The following HTRA3 variants were observed in gnomAD, a reference collection of about 807,000 sequenced individuals.
HTRA3 encodes the protein serine protease HTRA3.
Under a neutral mutation model 43.2 loss-of-function variants are expected in HTRA3, and 41 were observed. That is an observed-to-expected ratio of 0.95 (90% CI 0.74 to 1.23). The LOEUF is 1.23. Ranked by LOEUF, HTRA3 falls within the 50% of genes most tolerant of loss-of-function variation. The probability of loss-of-function intolerance (pLI) is 0.00; values close to 1 mark genes in which losing one functional copy is unlikely to be tolerated. For missense variants in HTRA3, 628 were observed against 647.1 expected, an observed-to-expected ratio of 0.97 and a Z score of 0.32; for synonymous variants, 295 against 287.9, an observed-to-expected ratio of 1.02 and a Z score of -0.25.
rs971572651 is a variant in HTRA3, at chr4:8,279,872, C to T, written c.386-2565C>T. ...CATCCCTGGTGATGCTGTGCTGTCT[C>T]TGGTCGGTCACTGACTTGACCCTTG... On this transcript the variant is annotated intron_variant, in intron 1 of 8. Transcript: ENST00000307358. This position sits in a 1 kb window ranked among gnomAD's most constrained non-coding sequence, Gnocchi z 7.4. Among the ~76,000 whole-genome samples the T allele has an allele frequency of 6.6e-6, 1 of 152,228 alleles. No individual in the cohort carries two copies. The highest frequency in any genetic ancestry group is 2.4e-5 in the African/African-American group (1 of 41,456).
At chr4:8,287,070 G>A (rs1253600667) in intron 3 of HTRA3, among the ~76,000 whole-genome samples, 4 of 152,206 alleles carry the variant, frequency 2.6e-5, no homozygotes, top group African/African-American at 7.2e-5. Context: ...CACACCCCAC[G>A]GAGGCTCTTC....
chr4:8,297,587 G>A lies in HTRA3; in HGVS notation c.1051+3386G>A, dbSNP rs4455400. The stretch of plus-strand genomic sequence containing the variant: ...GGGTGAGGGCTGCATGACGGGGCAG[G>A]AGACCTCTCTGAGGAGGTGACCCAC... On this transcript the variant is annotated intron_variant, in intron 6 of 8. Transcript: ENST00000307358. The surrounding 1 kb of genome is among the most constrained non-coding windows in gnomAD (Gnocchi z 5.8). Among the ~76,000 whole-genome samples the A allele has an allele frequency of 7.7e-3, 1,170 of 152,210 alleles. 8 individuals are homozygous for A. The highest frequency in any genetic ancestry group is 0.023 in the South Asian group (111 of 4,820).
At chr4:8,280,597 C>T (rs1187583370) in intron 1 of HTRA3, among the ~76,000 whole-genome samples, 2 of 152,174 alleles carry the variant, frequency 1.3e-5, no homozygotes, top group Non-Finnish European at 2.9e-5. Context: ...GGCAGCGCAT[C>T]CCTCATGGAA....
At chr4:8,290,352 C>T (rs562567652) in intron 3 of HTRA3, among the ~76,000 whole-genome samples, 7 of 152,328 alleles carry the variant, frequency 4.6e-5, no homozygotes, top group East Asian at 1.9e-4. Flanking sequence ...AGGACTGAAA[C>T]GATGAGAAGG....
rs148286027 is a variant in HTRA3, at chr4:8,305,476, G to A, written c.1197-495G>A. Reference sequence around the variant, plus strand: ...GCTGGCATGTGAGGGTCCTGATGCTGGTGCCCACGCAGCTGAGCACAGTAC... The same window carrying A: ...GCTGGCATGTGAGGGTCCTGATGCTAGTGCCCACGCAGCTGAGCACAGTAC... On this transcript the variant is annotated intron_variant, in intron 8 of 8. Transcript: ENST00000307358. Among the ~76,000 whole-genome samples the A allele has an allele frequency of 5.4e-4, 82 of 152,352 alleles. 1 individual carries two copies. The highest frequency in any genetic ancestry group is 1.8e-3 in the African/African-American group (75 of 41,584).
chr4:8,301,327 T>C (rs1233445966), intron 6 of HTRA3, among the ~76,000 whole-genome samples: 2 of 152,174 alleles, frequency 1.3e-5, no homozygotes, highest in African/African-American at 2.4e-5. Flanking sequence ...ATCTTTATTA[T>C]TGAGTCACAC....
intron 1 of HTRA3, among the ~76,000 whole-genome samples, chr4:8,278,217 C>A (rs1712606156): frequency 6.6e-6 from 1 of 152,060 alleles, no homozygotes; most frequent in Admixed American, 6.6e-5. Flanking sequence ...TTCCATCAGG[C>A]AGGGCTGTTG....
At chr4:8,301,297 TTTA>T (rs1172561326) in intron 6 of HTRA3, among the ~76,000 whole-genome samples, 2 of 148,382 alleles carry the variant, frequency 1.3e-5, no homozygotes. Flanking sequence ...CACACTCATC[TTTA>T]TTATTGATTC....
intron 2 of HTRA3, among the ~76,000 whole-genome samples, chr4:8,284,690 A>C (rs1273853722): frequency 6.6e-6 from 1 of 152,194 alleles, no homozygotes; most frequent in African/African-American, 2.4e-5. Context: ...TGCGGATGTG[A>C]GTGGACAGAT....
intron 6 of HTRA3, among the ~76,000 whole-genome samples, chr4:8,301,338 T>A (rs1331095340): frequency 6.6e-6 from 1 of 151,736 alleles, no homozygotes; most frequent in Admixed American, 6.5e-5. Flanking sequence ...TGAGTCACAC[T>A]CTCAGCTTTA....
chr4:8,280,259 G>A (rs944648186), intron 1 of HTRA3, among the ~76,000 whole-genome samples: 1 of 152,180 alleles, frequency 6.6e-6, no homozygotes, highest in East Asian at 1.9e-4. Flanking sequence ...CCAGCCTCAG[G>A]CCCCAGGGCA....
Position 8,306,815 on chromosome 4 carries a change from TCTC to T in HTRA3, c.*684_*686del, listed in dbSNP as rs1713872669. 1 of 152,666 alleles carries T rather than the reference TCTC, an allele frequency of 6.6e-6. No individual in the cohort carries two copies. Among genetic ancestry groups the T allele is most frequent in the Admixed American group, 6.5e-5 (1 of 15,286 alleles). 9.5% of individuals were successfully genotyped at this position (152,666 alleles called of 1,614,324 possible). On this transcript the variant is annotated 3_prime_UTR_variant, in exon 9 of 9. Transcript: ENST00000307358. The surrounding 1 kb of genome is among the most constrained non-coding windows in gnomAD (Gnocchi z 8.9). ...AAGTTGGCTGCTGCCTGGGGAAGCT[TCTC>T]CTCCCCAAGGCGGCCATGGGGCAGC...
chr4:8,282,556 C>T lies in HTRA3; in HGVS notation c.485+20C>T. On this transcript the variant is annotated intron_variant, in intron 2 of 8. Coordinates refer to ENST00000307358, the MANE Select transcript of HTRA3 (RefSeq NM_053044.5). ...CCTGAGGTGGGTGAATACCCCTCGC[C>T]CCTCTCTGCCTCCTGGTGTCCCCTG... 6.4e-7 allele frequency: 1 copy of T among 1,560,748 alleles called. No homozygotes were observed. The highest frequency in any genetic ancestry group is 8.8e-7 in the Non-Finnish European group (1 of 1,132,644).
In HTRA3 at chr4:8,304,085, C is replaced by T. The variant is rs918107807; in HGVS notation, c.1101-99C>T. 4 of 896,162 alleles carry T rather than the reference C, an allele frequency of 4.5e-6. No homozygotes were observed. In the Admixed American group the frequency reaches 8.7e-5, roughly 19 times the overall value. The allele number at this position is 896,162 out of a possible 1,614,324, so 55.5% of individuals were successfully genotyped here. The stretch of plus-strand genomic sequence containing the variant: ...GCAGTATGGGGGCCCAGAGGTGGCT[C>T]CTCTTCTGGTCTGGTGCTGGAGGGA... On this transcript the variant is annotated intron_variant, in intron 7 of 8. Transcript: ENST00000307358.
At chr4:8,281,177 C>T (rs989386078) in intron 1 of HTRA3, among the ~76,000 whole-genome samples, 20 of 152,196 alleles carry the variant, frequency 1.3e-4, no homozygotes, top group African/African-American at 4.3e-4. Context: ...TCCTAGAGCA[C>T]GGACCGCGGC....
chr4:8,272,411 C>G (rs1050045657), intron 1 of HTRA3, among the ~76,000 whole-genome samples: 10 of 147,110 alleles, frequency 6.8e-5, no homozygotes, highest in African/African-American at 2.3e-4. Flanking sequence ...CGTGGGGGGT[C>G]ATGGGCTGAG....
At chr4:8,293,209 G>C (rs1713312343) in intron 5 of HTRA3, among the ~76,000 whole-genome samples, 1 of 152,186 alleles carries the variant, frequency 6.6e-6, no homozygotes, top group Admixed American at 6.5e-5. Context: ...CTTTTGGCAG[G>C]GCTGAGGCCG....
rs567765456 is a variant in HTRA3, at chr4:8,279,705, C to G, written c.386-2732C>G. Among the ~76,000 whole-genome samples, 14 of 152,274 alleles carry G rather than the reference C, an allele frequency of 9.2e-5. No individual in the cohort carries two copies. Among genetic ancestry groups the G allele is most frequent in the Admixed American group, 7.2e-4 (11 of 15,300 alleles). Reference sequence around the variant, plus strand: ...CTGTGTTCACACTGGGCCCAGGTCCCTGTGTGCCGTGGCTGCCTGCACAGG... The same window carrying G: ...CTGTGTTCACACTGGGCCCAGGTCCGTGTGTGCCGTGGCTGCCTGCACAGG... On this transcript the variant is annotated intron_variant, in intron 1 of 8. Transcript: ENST00000307358. This position sits in a 1 kb window ranked among gnomAD's most constrained non-coding sequence, Gnocchi z 7.4.
chr4:8,269,754 G>C lies in HTRA3; in HGVS notation c.-215G>C, dbSNP rs71603922. ...GCGCGGGACCCGCCGCCCGCGGACC[G>C]TCAGGCTGGAGGGAGCTGGTCCCTG... is the stretch of plus-strand genomic sequence containing the variant. On this transcript the variant is annotated 5_prime_UTR_variant, in exon 1 of 9. Coordinates refer to ENST00000307358, the MANE Select transcript of HTRA3 (RefSeq NM_053044.5). 6 of 156,280 alleles carry C rather than the reference G, an allele frequency of 3.8e-5. No individual in the cohort carries two copies. In the Admixed American group the frequency reaches 3.9e-4, roughly 10 times the overall value. The allele number at this position is 156,280 out of a possible 1,614,324, so 9.7% of individuals were successfully genotyped here. A position where few individuals can be genotyped will look rare whatever the true frequency, so the allele number is the denominator to read the frequency against.
Sources: gnomAD v4.1 joint callset for allele counts (sites outside exome capture counted in the v4.1 genomes callset) on GRCh38, gnomAD v4.1.1 for gene constraint, Gnocchi (gnomAD v3.1) non-coding constraint, MANE v1.5 for transcripts, NCBI Gene and HGNC (gene_info 2026-07-23, HGNC 2026-07-21) for gene names.